Variants in CCN4 observed in about 807,000 individuals in gnomAD.
CCN4 encodes the protein CCN family member 4.
Under a neutral mutation model 36.7 loss-of-function variants are expected in CCN4, and 30 were observed. The observed-to-expected ratio is 0.82, with a 90% CI of 0.61 to 1.11. The LOEUF (loss-of-function observed/expected upper bound fraction) is 1.11, where lower values mean the gene tolerates loss of function less well. Among genes scored for constraint, CCN4 ranks in the 50% least tolerant of loss-of-function variants. The probability of loss-of-function intolerance (pLI) is 0.00; values close to 1 mark genes in which losing one functional copy is unlikely to be tolerated. For synonymous variants in CCN4, 191 were observed against 195.4 expected, an observed-to-expected ratio of 0.98 and a Z score of 0.19; for missense variants, 505 against 504.9, an observed-to-expected ratio of 1.00 and a Z score of 0.00.
At chr8:133,195,644 C>T (rs989955068) in intron 1 of CCN4, among the ~76,000 whole-genome samples, 1 of 152,148 alleles carries the variant, frequency 6.6e-6, no homozygotes, top group Non-Finnish European at 1.5e-5. Flanking sequence ...AAAGGCATTT[C>T]CCCCTCGGCA....
intron 1 of CCN4, among the ~76,000 whole-genome samples, chr8:133,203,781 C>T (rs1016796135): frequency 2.6e-5 from 4 of 152,220 alleles, no homozygotes; most frequent in African/African-American, 9.7e-5. Flanking sequence ...CTATCTCCTT[C>T]ATCAAACGGG....
chr8:133,205,929 C>T (rs1214837856), intron 1 of CCN4, among the ~76,000 whole-genome samples: 1 of 152,176 alleles, frequency 6.6e-6, no homozygotes, highest in Admixed American at 6.5e-5. Flanking sequence ...TGCACAAATA[C>T]CCATTGCTTA....
At chr8:133,199,977 T>C (rs1202374588) in intron 1 of CCN4, among the ~76,000 whole-genome samples, 1 of 152,142 alleles carries the variant, frequency 6.6e-6, no homozygotes, top group Non-Finnish European at 1.5e-5. Flanking sequence ...CGCACTTCCA[T>C]GGCATGCAAG....
intron 1 of CCN4, among the ~76,000 whole-genome samples, chr8:133,194,203 T>G (rs1239532211): frequency 6.6e-6 from 1 of 152,022 alleles, no homozygotes; most frequent in Non-Finnish European, 1.5e-5. Context: ...ATGTGGGATG[T>G]GCATAGCTGC....
intron 2 of CCN4, among the ~76,000 whole-genome samples, chr8:133,216,334 G>A (rs1183863701): frequency 6.6e-6 from 1 of 152,152 alleles, no homozygotes; most frequent in East Asian, 1.9e-4. Flanking sequence ...ATAAAAATGA[G>A]CCATTGCAAC....
chr8:133,196,654 A>G (rs530248033), intron 1 of CCN4, among the ~76,000 whole-genome samples: 2 of 152,344 alleles, frequency 1.3e-5, no homozygotes, highest in South Asian at 2.1e-4. Flanking sequence ...TCAGGTAAGT[A>G]GCCCAGCTTT....
chr8:133,205,391 C>G (rs939900211), intron 1 of CCN4, among the ~76,000 whole-genome samples: 3 of 152,162 alleles, frequency 2.0e-5, no homozygotes, highest in Non-Finnish European at 2.9e-5. Flanking sequence ...TTTCCCCCTC[C>G]TCTGGCCTTC....
rs73362554 is a variant in CCN4 at position 133,228,695 on chromosome 8, G to C, written c.*985G>C. 7.2e-3 allele frequency: 1,095 copies of C among 152,394 alleles called. 12 individuals are homozygous for C. Among genetic ancestry groups the C allele is most frequent in the African/African-American group, 0.025 (1,034 of 41,554 alleles). The allele number at this position is 152,394 out of a possible 1,614,324, so 9.4% of individuals were successfully genotyped here. On this transcript the variant is annotated 3_prime_UTR_variant, in exon 5 of 5. Coordinates refer to ENST00000250160, the MANE Select transcript of CCN4 (RefSeq NM_003882.4). ...ATGCCAGACCCACTGAAATGACCAA[G>C]ACAGGTTCAGGTAGGGGTGTGGGTC...
chr8:133,226,304 T>C (rs1418593258), intron 4 of CCN4, among the ~76,000 whole-genome samples: 1 of 152,182 alleles, frequency 6.6e-6, no homozygotes, highest in Admixed American at 6.5e-5. Flanking sequence ...GATGGTTTCT[T>C]AGGGATGTTG....
chr8:133,200,513 C>T (rs1424534146), intron 1 of CCN4, among the ~76,000 whole-genome samples: 1 of 152,224 alleles, frequency 6.6e-6, no homozygotes, highest in East Asian at 1.9e-4. Flanking sequence ...ACCGCCAAGC[C>T]CAGGCCTGGG....
chr8:133,208,242 G>A (rs1022688323), intron 1 of CCN4, among the ~76,000 whole-genome samples: 1 of 152,180 alleles, frequency 6.6e-6, no homozygotes, highest in Non-Finnish European at 1.5e-5. Flanking sequence ...GTGATGGTTT[G>A]CAATGGATGT....
intron 1 of CCN4, among the ~76,000 whole-genome samples, chr8:133,211,605 C>T (rs1000992822): frequency 6.6e-6 from 1 of 152,172 alleles, no homozygotes; most frequent in African/African-American, 2.4e-5. Flanking sequence ...GAGTGGAAAG[C>T]AGATCTGTGA....
chr8:133,196,996 T>C (rs1853411162), intron 1 of CCN4, among the ~76,000 whole-genome samples: 1 of 152,144 alleles, frequency 6.6e-6, no homozygotes, highest in Admixed American at 6.5e-5. Context: ...ATCCCACAGA[T>C]TCCATAGCCT....
rs1853092082 is a variant in CCN4 at position 133,191,149 on chromosome 8, G to A, written c.5G>A (p.Arg2Lys). Residue 2 changes from arginine (R) to lysine (K), a missense_variant, in exon 1 of 5, where the codon AGG becomes AAG. By Grantham distance (26) the Arg-to-Lys change is conservative. Coordinates refer to ENST00000250160, the MANE Select transcript of CCN4 (RefSeq NM_003882.4). M[R>K]WFLPWTLAAV... is the part of the protein sequence containing the mutation. Reference sequence around the variant, plus strand: ...CTGTGCCACTGACGTCCAGGCATGAGGTGGTTCCTGCCCTGGACGCTGGCA... The same window carrying A: ...CTGTGCCACTGACGTCCAGGCATGAAGTGGTTCCTGCCCTGGACGCTGGCA... The A allele has an allele frequency of 3.1e-6, 5 of 1,606,626 alleles. No homozygotes were observed. Among genetic ancestry groups the A allele is most frequent in the Non-Finnish European group, 3.4e-6 (4 of 1,179,890 alleles).
chr8:133,229,172 G>A lies in CCN4; in HGVS notation c.*1462G>A, dbSNP rs557918957. 1.6e-4 allele frequency: 24 copies of A among 152,304 alleles called. No homozygotes were observed. Among genetic ancestry groups the A allele is most frequent in the African/African-American group, 5.3e-4 (22 of 41,566 alleles). 9.4% of individuals were successfully genotyped at this position (152,304 alleles called of 1,614,324 possible). On this transcript the variant is annotated 3_prime_UTR_variant, in exon 5 of 5. Coordinates refer to ENST00000250160, the MANE Select transcript of CCN4 (RefSeq NM_003882.4). ...ATGTGAAACGGAAGCTCATAGAGGT[G>A]AGAAAACTCAACCAGAGTCACCCAG... is the stretch of plus-strand genomic sequence containing the variant.
At position 133,220,597 on chromosome 8, in the gene CCN4, C is replaced by T; in HGVS notation, c.366C>T (p.Gly122=). 1 of 1,613,806 alleles carries T rather than the reference C, an allele frequency of 6.2e-7. No homozygotes were observed. Among genetic ancestry groups the T allele is most frequent in the South Asian group, 1.1e-5 (1 of 91,054 alleles). The change falls in exon 3 of 5, where the codon GGC becomes GGT. Residue 122 remains glycine, a synonymous_variant. Coordinates refer to ENST00000250160, the MANE Select transcript of CCN4 (RefSeq NM_003882.4). ...IGVCAQVVGV[G]CVLDGVRYNN... is the part of the protein sequence containing the mutation. ...TGTTTGCAGAGGTGGTCGGTGTGGG[C>T]TGCGTCCTGGATGGGGTGCGCTACA...
intron 1 of CCN4, among the ~76,000 whole-genome samples, chr8:133,209,088 T>G (rs1270782516): frequency 6.6e-6 from 1 of 152,184 alleles, no homozygotes; most frequent in Non-Finnish European, 1.5e-5. Flanking sequence ...TCAATAATCC[T>G]CGGTCCCTAG....
At chr8:133,222,194 G>C (rs1387778967) in intron 3 of CCN4, among the ~76,000 whole-genome samples, 2 of 152,188 alleles carry the variant, frequency 1.3e-5, no homozygotes, top group African/African-American at 4.8e-5. Flanking sequence ...ATGAGGATCT[G>C]AACTAGGGCA....
At chr8:133,218,261 G>T (rs771770490) in intron 2 of CCN4, among the ~76,000 whole-genome samples, 21 of 152,076 alleles carry the variant, frequency 1.4e-4, no homozygotes, top group Admixed American at 5.9e-4. Flanking sequence ...ATGAGATAAT[G>T]TATCAGATGA....
Sources: allele counts gnomAD v4.1 joint callset (sites outside exome capture counted in the v4.1 genomes callset), GRCh38; gene constraint gnomAD v4.1.1; transcripts MANE v1.5; gene names NCBI Gene and HGNC (gene_info 2026-07-23, HGNC 2026-07-21).